Variants in CRIM1 observed in about 807,000 individuals in gnomAD.
CRIM1 encodes the protein cysteine-rich motor neuron 1 protein.
CRIM1 carries 32 observed loss-of-function variants against 116.4 expected under a neutral mutation model. That is an observed-to-expected ratio of 0.27 (90% confidence interval 0.21 to 0.37). The LOEUF (loss-of-function observed/expected upper bound fraction) is 0.37, where lower values mean the gene tolerates loss of function less well. Among genes scored for constraint, CRIM1 ranks in the 10% least tolerant of loss-of-function variants. The pLI, the probability that CRIM1 is intolerant of heterozygous loss-of-function variation, is 1.00. For missense variants in CRIM1, 1,331 were observed against 1,354.8 expected (o/e 0.98, Z 0.28); for synonymous variants, 590 against 509.2 (o/e 1.16, Z -2.13).
intron 5 of CRIM1, among the ~76,000 whole-genome samples, chr2:36,471,534 T>C (rs752906619): frequency 6.6e-6 from 1 of 152,334 alleles, no homozygotes; most frequent in Non-Finnish European, 1.5e-5. Flanking sequence ...AGATGATCGT[T>C]AGCAGTTTTT....
chr2:36,418,539 G>T lies in CRIM1; in HGVS notation c.505+21752G>T, dbSNP rs143234457. Among the ~76,000 whole-genome samples the T allele has an allele frequency of 7.4e-4, 112 of 152,166 alleles. 1 individual carries two copies. The highest frequency in any genetic ancestry group is 2.5e-3 in the African/African-American group (104 of 41,526). On this transcript the variant is annotated intron_variant, in intron 2 of 16. Transcript: ENST00000280527. ...TGGGCTCAGGCAGTCCACCCACCTCGGCCTCCCAAAGTGCTGGCATTACAG... is the reference window on the plus strand; with the variant it reads ...TGGGCTCAGGCAGTCCACCCACCTCTGCCTCCCAAAGTGCTGGCATTACAG...
At chr2:36,390,698 A>C (rs1671508261) in intron 1 of CRIM1, among the ~76,000 whole-genome samples, 2 of 152,118 alleles carry the variant, frequency 1.3e-5, no homozygotes, top group Non-Finnish European at 2.9e-5. Context: ...CCACGAGAGC[A>C]GTCATTTCTT....
At chr2:36,434,924 G>A (rs185813865) in intron 2 of CRIM1, among the ~76,000 whole-genome samples, 1 of 152,176 alleles carries the variant, frequency 6.6e-6, no homozygotes, top group Non-Finnish European at 1.5e-5. Flanking sequence ...CCTGTGTTGC[G>A]ATGCCATGTC....
At chr2:36,479,069 C>G (rs1679206848) in intron 6 of CRIM1, among the ~76,000 whole-genome samples, 1 of 152,224 alleles carries the variant, frequency 6.6e-6, no homozygotes, top group Non-Finnish European at 1.5e-5. Context: ...AACAATATCA[C>G]TCTGACTTAG....
intron 1 of CRIM1, among the ~76,000 whole-genome samples, chr2:36,392,989 T>C (rs1349911018): frequency 6.6e-6 from 1 of 152,160 alleles, no homozygotes; most frequent in African/African-American, 2.4e-5. Context: ...AAACTTCTGC[T>C]GAGAAAGCAG....
chr2:36,488,269 T>G (rs1032148953), intron 7 of CRIM1, among the ~76,000 whole-genome samples: 3 of 152,166 alleles, frequency 2.0e-5, no homozygotes, highest in Admixed American at 6.5e-5. Flanking sequence ...GTAGGACAGG[T>G]TCAAAGAGGG....
At position 36,476,923 on chromosome 2, in the gene CRIM1, A is replaced by G. The variant is rs754223876; in HGVS notation, c.1026A>G (p.Glu342=). The G allele has an allele frequency of 3.7e-6, 6 of 1,613,886 alleles. No individual in the cohort carries two copies. In the Admixed American group the frequency reaches 8.3e-5, roughly 22 times the overall value. Residue 342 remains glutamate (E), a synonymous_variant, in exon 6 of 17, where the codon GAA becomes GAG. Coordinates refer to ENST00000280527, the MANE Select transcript of CRIM1 (RefSeq NM_016441.3). ...CAGCCTGCGTATTTAACAATGTGGAATATTATGATGGAGACATGTTTCGAA... is the reference window on the plus strand; with the variant it reads ...CAGCCTGCGTATTTAACAATGTGGAGTATTATGATGGAGACATGTTTCGAA... The part of the protein sequence containing the change: ...TKPACVFNNV[E]YYDGDMFRMD...
chr2:36,394,957 T>A (rs573327522), intron 1 of CRIM1, among the ~76,000 whole-genome samples: 1 of 151,724 alleles, frequency 6.6e-6, no homozygotes, highest in South Asian at 2.1e-4. Context: ...TGAGCAATGA[T>A]GCCAGCAATA....
At chr2:36,517,947 C>A (rs1234925096) in intron 12 of CRIM1, among the ~76,000 whole-genome samples, 1 of 152,098 alleles carries the variant, frequency 6.6e-6, no homozygotes, top group Admixed American at 6.6e-5. Context: ...AAACAAAATT[C>A]TTTGTAAATA....
chr2:36,520,363 G>C (rs1665302782), intron 12 of CRIM1, among the ~76,000 whole-genome samples: 1 of 152,206 alleles, frequency 6.6e-6, no homozygotes, highest in Non-Finnish European at 1.5e-5. Flanking sequence ...AAAACCTCAT[G>C]GAGATTTGCA....
At chr2:36,471,380 G>A (rs1678499921) in intron 5 of CRIM1, among the ~76,000 whole-genome samples, 1 of 152,112 alleles carries the variant, frequency 6.6e-6, no homozygotes, top group Non-Finnish European at 1.5e-5. Flanking sequence ...GTTAGTCAAT[G>A]TGGCAAACTT....
chr2:36,538,360 G>A (rs1423539681), intron 14 of CRIM1, among the ~76,000 whole-genome samples: 1 of 152,104 alleles, frequency 6.6e-6, no homozygotes, highest in Non-Finnish European at 1.5e-5. Context: ...TTTCCCGGTG[G>A]TATAGACCAC....
Position 36,513,835 on chromosome 2 carries a change from T to G in CRIM1, c.1990+70T>G, listed in dbSNP as rs1664859472. 8 of 1,406,594 alleles carry G rather than the reference T, an allele frequency of 5.7e-6. No individual in the cohort carries two copies. In the South Asian group the frequency reaches 8.5e-5, roughly 15 times the overall value. The allele number at this position is 1,406,594 out of a possible 1,614,324, so 87.1% of individuals were successfully genotyped here. ...CTGCCTTGCAGGGCCCTAGACACAT[T>G]TGTAACTCTGGGGAGGTTGGAGGGG... On this transcript the variant is annotated intron_variant, in intron 11 of 16. Transcript: ENST00000280527.
intron 7 of CRIM1, among the ~76,000 whole-genome samples, chr2:36,485,659 T>C (rs965154916): frequency 5.4e-4 from 82 of 152,194 alleles, no homozygotes; most frequent in Non-Finnish European, 2.2e-4. Context: ...CTACTGCTTT[T>C]GTGGCACGGA....
chr2:36,454,284 C>T (rs998458175), intron 4 of CRIM1, among the ~76,000 whole-genome samples: 9 of 152,144 alleles, frequency 5.9e-5, no homozygotes, highest in African/African-American at 2.2e-4. Context: ...GTTCTTTCCT[C>T]TATCTGGAAT....
intron 2 of CRIM1, among the ~76,000 whole-genome samples, chr2:36,427,155 C>G (rs946455024): frequency 6.6e-6 from 1 of 150,946 alleles, no homozygotes; most frequent in Non-Finnish European, 1.5e-5. Context: ...GAGCCGAGAT[C>G]GCACCACTGC....
intron 14 of CRIM1, among the ~76,000 whole-genome samples, chr2:36,538,334 C>A (rs1046559113): frequency 4.8e-4 from 73 of 152,296 alleles, no homozygotes; most frequent in South Asian, 2.5e-3. Context: ...TGGGGACTGA[C>A]CCCTAGACAC....
chr2:36,482,387 A>G (rs577128018), intron 7 of CRIM1, among the ~76,000 whole-genome samples: 2 of 152,334 alleles, frequency 1.3e-5, no homozygotes, highest in Non-Finnish European at 2.9e-5. Flanking sequence ...TAATGATACT[A>G]AAGGGTTATT....
intron 1 of CRIM1, among the ~76,000 whole-genome samples, chr2:36,381,113 C>T (rs1358375586): frequency 1.3e-5 from 2 of 152,210 alleles, no homozygotes; most frequent in African/African-American, 4.8e-5. Context: ...TTGCCCCCGC[C>T]CCTACCCCCC....
Sources: gnomAD v4.1 joint callset for allele counts (sites outside exome capture counted in the v4.1 genomes callset) on GRCh38, gnomAD v4.1.1 for gene constraint, MANE v1.5 for transcripts, NCBI Gene and HGNC (gene_info 2026-07-23, HGNC 2026-07-21) for gene names.